Variants in TCL1A observed in about 807,000 individuals in gnomAD.
TCL1A encodes TCL1 family AKT coactivator A, also known as T-cell leukemia/lymphoma protein 1A.
In TCL1A, 9 loss-of-function variants were observed where a neutral mutation model predicts 16.9. The observed-to-expected ratio is 0.53, with a 90% CI of 0.32 to 0.93. The LOEUF (loss-of-function observed/expected upper bound fraction) is 0.93, where lower values mean the gene tolerates loss of function less well. Ranked by LOEUF, TCL1A falls within the 40% of genes least tolerant of loss-of-function variation. The pLI is 0.04. For synonymous variants in TCL1A, 69 were observed against 63.2 expected (o/e 1.09, Z -0.44); for missense variants, 139 against 153.0 (o/e 0.91, Z 0.48).
At chr14:95,713,607 C>T (rs1886448591) in intron 1 of TCL1A, among the ~76,000 whole-genome samples, 2 of 152,234 alleles carry the variant, frequency 1.3e-5, no homozygotes, top group Admixed American at 6.5e-5. Flanking sequence ...TGAGATGATT[C>T]CGATAATCGG....
intron 3 of TCL1A, among the ~76,000 whole-genome samples, chr14:95,711,222 G>A (rs1886338641): frequency 6.6e-6 from 1 of 151,536 alleles, no homozygotes; most frequent in Non-Finnish European, 1.5e-5. Context: ...CACTTTGGGA[G>A]GCCGAGGCGG....
chr14:95,713,438 C>G (rs181532547), intron 1 of TCL1A, among the ~76,000 whole-genome samples: 2 of 152,244 alleles, frequency 1.3e-5, no homozygotes, highest in African/African-American at 2.4e-5. Context: ...TGATTCAATA[C>G]CGGCGCTTAT....
intron 1 of TCL1A, chr14:95,712,782 A>T: frequency 2.9e-6 from 1 of 350,234 alleles, no homozygotes; most frequent in Non-Finnish European, 4.5e-6. Context: ...TATCTACAGG[A>T]AAAAAAAAAA....
chr14:95,712,292 CAT>C lies in TCL1A; in HGVS notation c.223_224del (p.Met75ValfsTer6), dbSNP rs1886376930. Reference sequence around the variant, plus strand: ...ATCGTCCATCAGGGTAGAGCTGCCACATGATAGGCAGCAGGCTTGGGCCTATC... The same window carrying C: ...ATCGTCCATCAGGGTAGAGCTGCCACGATAGGCAGCAGGCTTGGGCCTATC... ...TQIGPSLLPI[M>X]WQLYPDGRYR... On this transcript the variant is annotated frameshift_variant, in exon 2 of 4. Transcript: ENST00000402399. LOFTEE classifies it high-confidence loss of function. 2 of 1,614,170 alleles carry C rather than the reference CAT, an allele frequency of 1.2e-6. No individual in the cohort carries two copies. The highest frequency in any genetic ancestry group is 1.7e-6 in the Non-Finnish European group (2 of 1,180,026).
intron 1 of TCL1A, among the ~76,000 whole-genome samples, chr14:95,713,357 A>C (rs533503156): frequency 6.6e-6 from 1 of 152,306 alleles, no homozygotes; most frequent in East Asian, 1.9e-4. Flanking sequence ...AGACTTATCT[A>C]TTTCTTTAAC....
chr14:95,713,918 C>G lies in TCL1A; in HGVS notation c.120+29G>C, dbSNP rs1886483536. On this transcript the variant is annotated intron_variant, in intron 1 of 3. Transcript: ENST00000402399. Reference sequence around the variant, plus strand: ...AGCTCCCAGGGGCTGCCCCTGCTGCCTCGCCATCCGCTCCAAAGCTGGCTG... The same window carrying G: ...AGCTCCCAGGGGCTGCCCCTGCTGCGTCGCCATCCGCTCCAAAGCTGGCTG... The G allele has an allele frequency of 8.7e-6, 14 of 1,611,042 alleles. No individual in the cohort carries two copies. The East Asian group carries it at 3.1e-4, about 36-fold the overall frequency.
rs529706188 is a variant in TCL1A at position 95,711,468 on chromosome 14, A to C, written c.*6+281T>G. On this transcript the variant is annotated intron_variant, in intron 3 of 3. Transcript: ENST00000402399. ...TGGGCCACAGAGCCAGACTCATCTC[A>C]AAAAAAAAAAAAAGCAATGGTAAAT... The C allele has an allele frequency of 5.4e-4, 80 of 148,444 alleles. No homozygotes were observed. In the South Asian group the frequency reaches 0.013, roughly 25 times the overall value. The allele number at this position is 148,444 out of a possible 1,614,324, so 9.2% of individuals were successfully genotyped here.
intron 2 of TCL1A, 173 bp from the exon 3 acceptor site, chr14:95,711,975 C>A (rs796603491): frequency 1.3e-5 from 12 of 927,328 alleles, no homozygotes; most frequent in Non-Finnish European, 1.9e-5. Flanking sequence ...CCTGTGACTG[C>A]CCACCAGAGA....
chr14:95,713,575 A>C (rs1886444965), intron 1 of TCL1A, among the ~76,000 whole-genome samples: 1 of 152,318 alleles, frequency 6.6e-6, no homozygotes, highest in Admixed American at 6.5e-5. Context: ...CTTTTTAAAA[A>C]TACAGATTTC....
chr14:95,713,239 C>T (rs150398513), intron 1 of TCL1A, among the ~76,000 whole-genome samples: 4 of 152,208 alleles, frequency 2.6e-5, no homozygotes, highest in African/African-American at 7.2e-5. Flanking sequence ...ACTGGACATA[C>T]GTGTTCTAAT....
chr14:95,713,563 T>A (rs894828487), intron 1 of TCL1A, among the ~76,000 whole-genome samples: 1 of 152,246 alleles, frequency 6.6e-6, no homozygotes, highest in African/African-American at 2.4e-5. Flanking sequence ...CTGTTGAGGG[T>A]TCTTTTTAAA....
Position 95,712,343 on chromosome 14 carries a change from C to T in TCL1A, c.174G>A (p.Leu58=). ...RVLLRREDVV[L]GRPMTPTQIG... ...TCTGGGTGGGGGTCATAGGCCTCCC[C>T]AGGACGACGTCTTCCCGACGCAAGA... Residue 58 remains leucine (L), a synonymous_variant, in exon 2 of 4, where the codon CTG becomes CTA. Coordinates refer to ENST00000402399, the MANE Select transcript of TCL1A (RefSeq NM_021966.3). 6.2e-7 allele frequency: 1 copy of T among 1,613,946 alleles called. No homozygotes were observed. Among genetic ancestry groups the T allele is most frequent in the Non-Finnish European group, 8.5e-7 (1 of 1,179,848 alleles).
intron 1 of TCL1A, 141 bp downstream of exon 1, chr14:95,713,806 C>T (rs1259285477): frequency 6.0e-6 from 8 of 1,330,026 alleles, no homozygotes; most frequent in Admixed American, 4.6e-5. Context: ...TCCTCCAGAG[C>T]CCGGCTCAAA....
chr14:95,712,118 G>A lies in TCL1A; in HGVS notation c.297+102C>T, dbSNP rs1886371911. The A allele has an allele frequency of 2.1e-6, 3 of 1,401,726 alleles. No homozygotes were observed. In the Admixed American group the frequency reaches 5.3e-5, roughly 25 times the overall value. The allele number at this position is 1,401,726 out of a possible 1,614,324, so 86.8% of individuals were successfully genotyped here. ...TTGTACATTTCCCCCATTTTTTAAT[G>A]CTTTTGGGACTGGGATGGAGGGAAG... On this transcript the variant is annotated intron_variant, in intron 2 of 3. Coordinates refer to ENST00000402399, the MANE Select transcript of TCL1A (RefSeq NM_021966.3).
At chr14:95,712,440 G>A in intron 1 of TCL1A, 44 bp from the exon 2 acceptor site, 1 of 1,556,174 alleles carries the variant, frequency 6.4e-7, no homozygotes, top group Non-Finnish European at 8.7e-7. Flanking sequence ...GGTTCCGCTT[G>A]CCAGGGCTTC....
chr14:95,713,214 T>A (rs1183020008), intron 1 of TCL1A, among the ~76,000 whole-genome samples: 1 of 152,346 alleles, frequency 6.6e-6, no homozygotes, highest in African/African-American at 2.4e-5. Flanking sequence ...CAACACTCAA[T>A]AATTTTTGAT....
intron 1 of TCL1A, 123 bp from the exon 2 acceptor site, chr14:95,712,519 A>G: frequency 6.7e-7 from 1 of 1,488,592 alleles, no homozygotes. Context: ...CCGAGTGTGA[A>G]ATGATGGTCA....
rs146561494 is a variant in TCL1A at position 95,712,824 on chromosome 14, C to G, written c.121-428G>C. 1.3e-4 allele frequency: 73 copies of G among 572,266 alleles called. No individual in the cohort carries two copies. In the African/African-American group the frequency reaches 1.4e-3, roughly 11 times the overall value. 35.4% of individuals were successfully genotyped at this position (572,266 alleles called of 1,614,324 possible). On this transcript the variant is annotated intron_variant, in intron 1 of 3. Transcript: ENST00000402399. ...AAGAAAGAAAGAGAGAAAAAGAATA[C>G]TGGCCTTTTCAATGATGTGAGGCAA...
intron 1 of TCL1A, among the ~76,000 whole-genome samples, chr14:95,713,509 T>C (rs534430219): frequency 3.9e-5 from 6 of 152,306 alleles, no homozygotes; most frequent in Admixed American, 2.0e-4. Context: ...TGGAAAATAC[T>C]TCACACTCTA....
Sources: allele counts gnomAD v4.1 joint callset (sites outside exome capture counted in the v4.1 genomes callset), GRCh38; gene constraint gnomAD v4.1.1; transcripts MANE v1.5; gene names NCBI Gene and HGNC (gene_info 2026-07-23, HGNC 2026-07-21).